SH3BGRL: variants seen among roughly 807,000 people sequenced by gnomAD.
SH3BGRL encodes SH3 domain binding glutamate rich protein like.
A neutral mutation model predicts 9.8 loss-of-function variants in SH3BGRL; 7 were observed. That is an observed-to-expected ratio of 0.72 (90% CI 0.41 to 1.35). The LOEUF is 1.35. Ranked by LOEUF, SH3BGRL falls within the 40% of genes most tolerant of loss-of-function variation. The pLI, the probability that SH3BGRL is intolerant of heterozygous loss-of-function variation, is 0.01. For synonymous variants in SH3BGRL, 36 were observed against 29.1 expected (o/e 1.24, Z -0.76); for missense variants, 73 against 84.4 (o/e 0.86, Z 0.53).
At chrX:81,296,710 C>T (rs1314403579) in intron 3 of SH3BGRL, among the ~76,000 whole-genome samples, 1 of 111,658 alleles carries the variant, frequency 9.0e-6, no homozygotes, top group East Asian at 2.8e-4. Flanking sequence ...GAGGTGAGTA[C>T]CTCACTATCC....
chrX:81,286,412 T>C (rs1416599576), intron 3 of SH3BGRL, among the ~76,000 whole-genome samples: 2 of 104,096 alleles, frequency 1.9e-5, no homozygotes, highest in South Asian at 4.5e-4. Flanking sequence ...ATCCTATTTA[T>C]ACTGAATTCA....
chrX:81,226,564 ATT>A (rs2075617846), intron 1 of SH3BGRL, among the ~76,000 whole-genome samples: 1 of 103,260 alleles, frequency 9.7e-6, no homozygotes, highest in African/African-American at 3.5e-5. Flanking sequence ...TTTTTGTTAT[ATT>A]TTGTTTATAT....
At chrX:81,218,794 T>TATATAG (rs200310468) in intron 1 of SH3BGRL, among the ~76,000 whole-genome samples, 19,993 of 100,069 alleles carry the variant, frequency 0.2, 2,051 homozygotes, top group East Asian at 0.6. Flanking sequence ...TCTGTATGTA[T>TATATAG]ATATAGATAT....
chrX:81,250,057 A>AT (rs1408875604), intron 1 of SH3BGRL, among the ~76,000 whole-genome samples: 2 of 109,237 alleles, frequency 1.8e-5, no homozygotes, highest in African/African-American at 3.3e-5. Flanking sequence ...ACTAAGCAGC[A>AT]TCTTGTCTCC....
At position 81,225,499 on chromosome X, in the gene SH3BGRL, G is replaced by A. The variant is rs749020019; in HGVS notation, c.45+23254G>A. 6.3e-5 allele frequency among the ~76,000 whole-genome samples: 7 copies of A among 111,143 alleles called. No individual in the cohort carries two copies. The Admixed American group carries it at 6.7e-4, about 11-fold the overall frequency. ...TTGTTTAGCTCTCATGTATAAGTGG[G>A]AACATGCAGTATTTGACTTTCGTTT... On this transcript the variant is annotated intron_variant, in intron 1 of 3. Coordinates refer to ENST00000373212, the MANE Select transcript of SH3BGRL (RefSeq NM_003022.3).
chrX:81,242,909 G>A (rs1043835501), intron 1 of SH3BGRL, among the ~76,000 whole-genome samples: 2 of 111,724 alleles, frequency 1.8e-5, no homozygotes, highest in African/African-American at 6.5e-5. Flanking sequence ...AGGATGTGGA[G>A]GAAAGGGAAC....
intron 1 of SH3BGRL, among the ~76,000 whole-genome samples, chrX:81,215,665 T>C (rs1204796222): frequency 1.8e-5 from 2 of 111,068 alleles, no homozygotes; most frequent in African/African-American, 6.5e-5. Flanking sequence ...CATTCTCCTG[T>C]CCCCCAACCA....
At chrX:81,242,756 G>T (rs995297427) in intron 1 of SH3BGRL, among the ~76,000 whole-genome samples, 1 of 111,232 alleles carries the variant, frequency 9.0e-6, no homozygotes, top group Admixed American at 9.5e-5. Flanking sequence ...TCAAAAAATG[G>T]GCATACAGAG....
At chrX:81,216,437 A>G (rs774058350) in intron 1 of SH3BGRL, among the ~76,000 whole-genome samples, 1 of 111,489 alleles carries the variant, frequency 9.0e-6, no homozygotes, top group African/African-American at 3.3e-5. Flanking sequence ...TCCTTGTGTT[A>G]CAAATGATCC....
At chrX:81,242,572 C>T (rs767323671) in intron 1 of SH3BGRL, among the ~76,000 whole-genome samples, 7 of 111,732 alleles carry the variant, frequency 6.3e-5, no homozygotes, top group Admixed American at 1.9e-4. Context: ...TGAACAACTG[C>T]GATCACATCA....
chrX:81,203,497 C>A (rs758355229), intron 1 of SH3BGRL, among the ~76,000 whole-genome samples: 2 of 111,727 alleles, frequency 1.8e-5, no homozygotes, highest in East Asian at 2.8e-4. Context: ...TTTATATTTC[C>A]TTTGGACCTA....
chrX:81,241,175 A>T (rs2075667808), intron 1 of SH3BGRL, among the ~76,000 whole-genome samples: 1 of 112,198 alleles, frequency 8.9e-6, no homozygotes. Context: ...CGGTGCTGAC[A>T]CAGCAGACCC....
rs776861537 is a variant in SH3BGRL, at chrX:81,291,133, A to C, written c.313-6062A>C. Among the ~76,000 whole-genome samples, 48 of 112,207 alleles carry C rather than the reference A, an allele frequency of 4.3e-4. No homozygotes were observed. The South Asian group carries it at 0.018, about 42-fold the overall frequency. ...GACATCTAAACACTGTTAAAGCTTCAAAAGAACTTAGGGACTTTTCCTTTT... is the reference window on the plus strand; with the variant it reads ...GACATCTAAACACTGTTAAAGCTTCCAAAGAACTTAGGGACTTTTCCTTTT... On this transcript the variant is annotated intron_variant, in intron 3 of 3. Transcript: ENST00000373212.
At chrX:81,241,928 C>G (rs1318430360) in intron 1 of SH3BGRL, among the ~76,000 whole-genome samples, 1 of 112,544 alleles carries the variant, frequency 8.9e-6, no homozygotes, top group East Asian at 2.8e-4. Context: ...AGCCAGCATG[C>G]CTGGCTGGGC....
At chrX:81,283,856 A>G (rs753565280) in intron 3 of SH3BGRL, among the ~76,000 whole-genome samples, 1 of 111,429 alleles carries the variant, frequency 9.0e-6, no homozygotes, top group East Asian at 2.8e-4. Flanking sequence ...GGGCATCCAA[A>G]TTGGTAAAAA....
chrX:81,220,700 C>T (rs182141316), intron 1 of SH3BGRL, among the ~76,000 whole-genome samples: 1 of 109,465 alleles, frequency 9.1e-6, no homozygotes, highest in African/African-American at 3.3e-5. Flanking sequence ...TTGAGATGCA[C>T]CTTTAAGTTG....
Position 81,211,802 on chromosome X carries a change from C to T in SH3BGRL, c.45+9557C>T, listed in dbSNP as rs2075565540. Among the ~76,000 whole-genome samples, 5 of 111,194 alleles carry T rather than the reference C, an allele frequency of 4.5e-5. No homozygotes were observed. In the South Asian group the frequency reaches 1.9e-3, roughly 42 times the overall value. On this transcript the variant is annotated intron_variant, in intron 1 of 3. Coordinates refer to ENST00000373212, the MANE Select transcript of SH3BGRL (RefSeq NM_003022.3). ...TTCAGTTTTGGGACTTGGACTGGCT[C>T]TCCTTGATCCTCAGCTTGCAGAAAG...
At position 81,272,502 on chromosome X, in the gene SH3BGRL, CT is replaced by C. The variant is rs748353277; in HGVS notation, c.46-4466del. Among the ~76,000 whole-genome samples, 937 of 95,598 alleles carry C rather than the reference CT, an allele frequency of 9.8e-3. 8 individuals are homozygous for C. Among genetic ancestry groups the C allele is most frequent in the African/African-American group, 0.028 (728 of 26,403 alleles). 83.0% of individuals were successfully genotyped at this position (95,598 alleles called of 115,157 possible). A position where few individuals can be genotyped will look rare whatever the true frequency, so the allele number is the denominator to read the frequency against. On this transcript the variant is annotated intron_variant, in intron 1 of 3. Transcript: ENST00000373212. ...TCATTACTTTTCTTTTTTTTCTTTT[CT>C]TTTTTTTTTTTTTTTGAGACAGAGT...
At chrX:81,235,103 C>T (rs778486939) in intron 1 of SH3BGRL, among the ~76,000 whole-genome samples, 1 of 111,680 alleles carries the variant, frequency 9.0e-6, no homozygotes, top group South Asian at 3.7e-4. Context: ...ACCAACATCA[C>T]AGATTTATTT....
Sources: gnomAD v4.1 joint callset for allele counts (sites outside exome capture counted in the v4.1 genomes callset) on GRCh38, gnomAD v4.1.1 for gene constraint, MANE v1.5 for transcripts, NCBI Gene and HGNC (gene_info 2026-07-23, HGNC 2026-07-21) for gene names.